The following RALYL variants were observed in gnomAD, a reference collection of about 807,000 sequenced individuals.
RALYL encodes RNA-binding Raly-like protein.
RALYL carries 29 observed loss-of-function variants against 35.1 expected under a neutral mutation model. The ratio of observed to expected loss-of-function variants is 0.83; its 90% CI spans 0.61 to 1.13. The LOEUF is 1.13. Ranked by LOEUF, RALYL falls within the 50% of genes most tolerant of loss-of-function variation. The pLI is 0.00. For missense variants in RALYL, 359 were observed against 360.4 expected (o/e 1.00, Z 0.03); for synonymous variants, 120 against 127.6 (o/e 0.94, Z 0.40).
intron 2 of RALYL, among the ~76,000 whole-genome samples, chr8:84,669,480 TC>T (rs1299255982): frequency 1.1e-3 from 9 of 8,530 alleles, no homozygotes; most frequent in Non-Finnish European, 1.9e-3. Context: ...ATCTTCTCCC[TC>T]CCCCCTCCCC....
chr8:84,367,828 A>G lies in RALYL; in HGVS notation c.-23-161471A>G, dbSNP rs567085652. 7.8e-4 allele frequency among the ~76,000 whole-genome samples: 118 copies of G among 152,172 alleles called. 1 individual carries two copies. The highest frequency in any genetic ancestry group is 1.5e-3 in the Non-Finnish European group (101 of 68,022). On this transcript the variant is annotated intron_variant, in intron 1 of 8. Transcript: ENST00000521268. ...GATATCCTAGCAAATAAGTAATATT[A>G]AAAGGCCTCAAATCACAGTGGACTG...
intron 4 of RALYL, among the ~76,000 whole-genome samples, chr8:84,816,254 C>T (rs1427049): frequency 6.6e-6 from 1 of 152,172 alleles, no homozygotes; most frequent in East Asian, 1.9e-4. Context: ...CATGAAGTTT[C>T]TTCAAGCACT....
At chr8:84,300,073 T>C (rs1220794164) in intron 1 of RALYL, among the ~76,000 whole-genome samples, 1 of 152,116 alleles carries the variant, frequency 6.6e-6, no homozygotes, top group Non-Finnish European at 1.5e-5. Context: ...TGTGGACATT[T>C]AGTGCTATAA....
chr8:84,381,171 G>A (rs1047487274), intron 1 of RALYL, among the ~76,000 whole-genome samples: 4 of 151,900 alleles, frequency 2.6e-5, no homozygotes, highest in African/African-American at 9.7e-5. Context: ...CCACGACCCT[G>A]TTTCCAACCT....
At chr8:84,438,952 T>TC (rs2132897851) in intron 1 of RALYL, among the ~76,000 whole-genome samples, 1 of 152,004 alleles carries the variant, frequency 6.6e-6, no homozygotes, top group East Asian at 1.9e-4. Context: ...GTATCTTTTT[T>TC]TTTTATCAGT....
intron 1 of RALYL, among the ~76,000 whole-genome samples, chr8:84,288,525 G>A (rs1488932676): frequency 6.9e-6 from 1 of 144,774 alleles, no homozygotes; most frequent in African/African-American, 2.4e-5. Context: ...AGTTTTTAAT[G>A]TCATGTTGTA....
chr8:84,412,232 G>A (rs896058370), intron 1 of RALYL, among the ~76,000 whole-genome samples: 1 of 151,876 alleles, frequency 6.6e-6, no homozygotes, highest in Non-Finnish European at 1.5e-5. Flanking sequence ...TAAAAGCTAT[G>A]AGGAAGTGTC....
chr8:84,185,067 G>A lies in RALYL; in HGVS notation c.-24+643G>A, dbSNP rs376092446. The A allele has an allele frequency of 8.7e-5, 138 of 1,592,420 alleles. No individual in the cohort carries two copies. In the African/African-American group the frequency reaches 1.6e-3, roughly 19 times the overall value. On this transcript the variant is annotated intron_variant, in intron 1 of 8. Transcript: ENST00000521268. ...TACCAAAGGGCTTTGCTTTCTTAGG[G>A]ATGCTGTCTTTGGATCTTTTTTTTC...
intron 2 of RALYL, among the ~76,000 whole-genome samples, chr8:84,743,449 A>G (rs78204565): frequency 2.0e-4 from 30 of 152,086 alleles, no homozygotes; most frequent in African/African-American, 7.0e-4. Flanking sequence ...AAAAAAAAAA[A>G]GTGTCTCTTA....
At chr8:84,517,961 AAAG>A (rs1473857043) in intron 1 of RALYL, among the ~76,000 whole-genome samples, 1 of 152,188 alleles carries the variant, frequency 6.6e-6, no homozygotes, top group Non-Finnish European at 1.5e-5. Context: ...ACTCAGCTAA[AAAG>A]AAGTAGTTCT....
chr8:84,228,081 C>T (rs994951607), intron 1 of RALYL, among the ~76,000 whole-genome samples: 3 of 150,880 alleles, frequency 2.0e-5, no homozygotes, highest in African/African-American at 7.3e-5. Context: ...AGATACTCCC[C>T]TATTCTTAAA....
chr8:84,393,302 G>A (rs565886062), intron 1 of RALYL, among the ~76,000 whole-genome samples: 2 of 152,174 alleles, frequency 1.3e-5, no homozygotes, highest in Non-Finnish European at 2.9e-5. Context: ...AGTGCTGTTG[G>A]ACTGAGGGCC....
chr8:84,345,157 C>T (rs1849606842), intron 1 of RALYL, among the ~76,000 whole-genome samples: 1 of 148,820 alleles, frequency 6.7e-6, no homozygotes, highest in Non-Finnish European at 1.5e-5. Context: ...TACTATTTTA[C>T]ACTCTCACCA....
intron 1 of RALYL, among the ~76,000 whole-genome samples, chr8:84,377,964 T>C (rs1345807877): frequency 6.6e-6 from 1 of 151,934 alleles, no homozygotes; most frequent in Non-Finnish European, 1.5e-5. Context: ...CTATGATTTA[T>C]TTAAAGAATT....
intron 2 of RALYL, among the ~76,000 whole-genome samples, chr8:84,589,090 G>T (rs948698567): frequency 5.9e-5 from 9 of 151,976 alleles, no homozygotes; most frequent in Non-Finnish European, 1.3e-4. Flanking sequence ...TAGAGATGGG[G>T]TTTCACCATG....
intron 1 of RALYL, among the ~76,000 whole-genome samples, chr8:84,228,081 CT>C (rs1198117670): frequency 2.6e-5 from 4 of 151,000 alleles, no homozygotes; most frequent in African/African-American, 9.7e-5. Context: ...AGATACTCCC[CT>C]ATTCTTAAAT....
chr8:84,890,544 A>T (rs140548578), intron 8 of RALYL, among the ~76,000 whole-genome samples: 85 of 152,326 alleles, frequency 5.6e-4, no homozygotes, highest in African/African-American at 1.8e-3. Context: ...TATCAGAACT[A>T]CTTAGAGAAC....
chr8:84,817,759 T>C (rs1490691081), intron 4 of RALYL, among the ~76,000 whole-genome samples: 2 of 151,932 alleles, frequency 1.3e-5, no homozygotes, highest in African/African-American at 2.4e-5. Flanking sequence ...CTCACTGTGT[T>C]GGACAGGCTG....
At chr8:84,343,887 TG>T (rs1408872454) in intron 1 of RALYL, among the ~76,000 whole-genome samples, 31 of 87,156 alleles carry the variant, frequency 3.6e-4, no homozygotes, top group Admixed American at 4.8e-4. Flanking sequence ...TTTGTTTGTT[TG>T]TTTTTTTTTT....
Sources: allele counts gnomAD v4.1 joint callset (sites outside exome capture counted in the v4.1 genomes callset), GRCh38; gene constraint gnomAD v4.1.1; transcripts MANE v1.5; gene names NCBI Gene and HGNC (gene_info 2026-07-23, HGNC 2026-07-21).